The following PARD3B variants were observed in gnomAD, a reference collection of about 807,000 sequenced individuals.
PARD3B encodes the protein partitioning defective 3 homolog B.
PARD3B carries 103 observed loss-of-function variants against 130.2 expected under a neutral mutation model. The observed-to-expected ratio is 0.79, with a 90% CI of 0.67 to 0.93. PARD3B has a LOEUF of 0.93. Among genes scored for constraint, PARD3B ranks in the 40% least tolerant of loss-of-function variants. The pLI is 0.00. For synonymous variants in PARD3B, 583 were observed against 553.2 expected (o/e 1.05, Z -0.76); for missense variants, 1,609 against 1,499.2 (o/e 1.07, Z -1.21).
In PARD3B at chr2:205,585,879, GGT is replaced by G. The variant is rs1411497501; in HGVS notation, c.3261-29575_3261-29574del. On this transcript the variant is annotated intron_variant, in intron 22 of 22. Transcript: ENST00000406610. This position sits in a 1 kb window ranked among gnomAD's most constrained non-coding sequence, Gnocchi z 5.4. The stretch of plus-strand genomic sequence containing the variant: ...TCCACCCTCCGGCCACAGCAGGTCT[GGT>G]GGTCACGGGAACCCACATCTTACAT... Among the ~76,000 whole-genome samples the G allele has an allele frequency of 1.3e-5, 2 of 152,162 alleles. No individual in the cohort carries two copies. The highest frequency in any genetic ancestry group is 2.4e-5 in the African/African-American group (1 of 41,426).
chr2:204,582,233 AC>A (rs2125082483), intron 1 of PARD3B, among the ~76,000 whole-genome samples: 1 of 152,106 alleles, frequency 6.6e-6, no homozygotes, highest in South Asian at 2.1e-4. Flanking sequence ...ATCTTTAGTG[AC>A]TCCAAAGTTT....
chr2:205,152,260 T>TTG (rs2033810817), intron 10 of PARD3B, among the ~76,000 whole-genome samples: 1 of 152,104 alleles, frequency 6.6e-6, no homozygotes, highest in African/African-American at 2.4e-5. Flanking sequence ...TCTCAAGGAG[T>TTG]ATCTTTGTGG....
intron 19 of PARD3B, among the ~76,000 whole-genome samples, chr2:205,412,291 T>C (rs1419024075): frequency 6.6e-6 from 1 of 152,152 alleles, no homozygotes; most frequent in African/African-American, 2.4e-5. Context: ...TTAGAGAGGC[T>C]GAAGTGGTTT....
intron 18 of PARD3B, among the ~76,000 whole-genome samples, chr2:205,339,360 A>T (rs2043432915): frequency 6.6e-6 from 1 of 152,188 alleles, no homozygotes; most frequent in South Asian, 2.1e-4. Context: ...TAGTAGCTCA[A>T]ATAGATTTAC....
In PARD3B at chr2:204,799,836, G is replaced by A. The variant is rs2042502486; in HGVS notation, c.222+113554G>A. 6.6e-6 allele frequency among the ~76,000 whole-genome samples: 1 copy of A among 151,984 alleles called. No individual in the cohort carries two copies. Among genetic ancestry groups the A allele is most frequent in the South Asian group, 2.1e-4 (1 of 4,816 alleles). ...CTGAGGGTTCCCCAAATGCAGATATGGCTGCAGTGACTAAAGATTTATATC... is the reference window on the plus strand; with the variant it reads ...CTGAGGGTTCCCCAAATGCAGATATAGCTGCAGTGACTAAAGATTTATATC... On this transcript the variant is annotated intron_variant, in intron 2 of 22. Coordinates refer to ENST00000406610, the MANE Select transcript of PARD3B (RefSeq NM_001302769.2). The surrounding 1 kb of genome is among the most constrained non-coding windows in gnomAD (Gnocchi z 4.1).
chr2:205,509,470 G>A (rs1305626857), intron 21 of PARD3B, among the ~76,000 whole-genome samples: 1 of 151,894 alleles, frequency 6.6e-6, no homozygotes, highest in Non-Finnish European at 1.5e-5. Flanking sequence ...CCGCATCATG[G>A]CACCCCACTT....
intron 2 of PARD3B, among the ~76,000 whole-genome samples, chr2:204,786,548 T>C (rs2042016489): frequency 6.6e-6 from 1 of 151,166 alleles, no homozygotes; most frequent in South Asian, 2.1e-4. Context: ...AGCTTAACAA[T>C]CTGAAAAATT....
chr2:204,764,954 T>C lies in PARD3B; in HGVS notation c.222+78672T>C, dbSNP rs185765567. Among the ~76,000 whole-genome samples the C allele has an allele frequency of 3.1e-3, 470 of 152,232 alleles. 3 individuals are homozygous for C. The highest frequency in any genetic ancestry group is 0.01 in the African/African-American group (419 of 41,544). ...ACTGATGCATTTTTTTTTGTAATTC[T>C]GATTAATATTCCAGTGAGACTTTAG... On this transcript the variant is annotated intron_variant, in intron 2 of 22. Coordinates refer to ENST00000406610, the MANE Select transcript of PARD3B (RefSeq NM_001302769.2).
chr2:205,182,568 A>C (rs1433342643), intron 13 of PARD3B, among the ~76,000 whole-genome samples: 1 of 152,218 alleles, frequency 6.6e-6, no homozygotes, highest in Admixed American at 6.5e-5. Context: ...TAGTAAAAGA[A>C]ATAGACATAG....
chr2:205,248,647 G>T (rs575661599), intron 16 of PARD3B, among the ~76,000 whole-genome samples: 1 of 113,394 alleles, frequency 8.8e-6, no homozygotes, highest in Non-Finnish European at 1.6e-5. Context: ...GGCTCTGTCC[G>T]CCAGGCTGGA....
rs1412985216 is a variant in PARD3B at position 205,160,272 on chromosome 2, GT to G, written c.1620+1368del. 6.6e-6 allele frequency among the ~76,000 whole-genome samples: 1 copy of G among 152,298 alleles called. No individual in the cohort carries two copies. Among genetic ancestry groups the G allele is most frequent in the East Asian group, 1.9e-4 (1 of 5,190 alleles). ...CATAGCTCTGTGTGGGGGAGCTGGG[GT>G]TTGGGTAGGATTCTGATTCAGGCTG... On this transcript the variant is annotated intron_variant, in intron 11 of 22. Transcript: ENST00000406610. This position sits in a 1 kb window ranked among gnomAD's most constrained non-coding sequence, Gnocchi z 4.0.
At chr2:204,935,305 G>A (rs528056324) in intron 2 of PARD3B, among the ~76,000 whole-genome samples, 14 of 150,644 alleles carry the variant, frequency 9.3e-5, no homozygotes, top group African/African-American at 1.5e-4. Context: ...CAAGGCGGGC[G>A]GATCACAAGG....
At chr2:204,999,942 G>A (rs531381109) in intron 3 of PARD3B, among the ~76,000 whole-genome samples, 3 of 152,098 alleles carry the variant, frequency 2.0e-5, no homozygotes, top group African/African-American at 4.8e-5. Flanking sequence ...CGATACAAGG[G>A]TATTTCCAGT....
intron 1 of PARD3B, among the ~76,000 whole-genome samples, chr2:204,562,472 A>AG (rs1312416623): frequency 6.6e-6 from 1 of 152,182 alleles, no homozygotes; most frequent in Non-Finnish European, 1.5e-5. Context: ...AATAGAGATA[A>AG]TTTTTGGATC....
intron 2 of PARD3B, among the ~76,000 whole-genome samples, chr2:204,746,478 A>G (rs1190036591): frequency 1.3e-5 from 2 of 151,892 alleles, no homozygotes; most frequent in Non-Finnish European, 2.9e-5. Flanking sequence ...ATGATTTATA[A>G]TCCTTTGGGT....
At chr2:204,649,766 A>G (rs984413133) in intron 1 of PARD3B, among the ~76,000 whole-genome samples, 6 of 152,218 alleles carry the variant, frequency 3.9e-5, no homozygotes, top group African/African-American at 1.4e-4. Flanking sequence ...AAATTAACTC[A>G]AGATGGATTA....
At chr2:204,808,232 A>G (rs1030939691) in intron 2 of PARD3B, among the ~76,000 whole-genome samples, 2 of 151,984 alleles carry the variant, frequency 1.3e-5, no homozygotes, top group African/African-American at 2.4e-5. Context: ...TTTAAGTTTC[A>G]TCTTCATTTT....
rs573782658 is a variant in PARD3B at position 204,747,687 on chromosome 2, G to A, written c.222+61405G>A. Among the ~76,000 whole-genome samples, 6 of 152,014 alleles carry A rather than the reference G, an allele frequency of 3.9e-5. No homozygotes were observed. In the East Asian group the frequency reaches 9.6e-4, roughly 24 times the overall value. ...ACCTGACTTCAAACTATACTACAAG[G>A]CTACAGTAACCAAAACAGCATGGTA... is the stretch of plus-strand genomic sequence containing the variant. On this transcript the variant is annotated intron_variant, in intron 2 of 22. Transcript: ENST00000406610.
At chr2:204,718,775 C>G (rs1322036968) in intron 2 of PARD3B, among the ~76,000 whole-genome samples, 1 of 152,204 alleles carries the variant, frequency 6.6e-6, no homozygotes, top group African/African-American at 2.4e-5. Context: ...CCAAGCCAAA[C>G]AAGCCCTTGG....
Sources: gnomAD v4.1 joint callset for allele counts (sites outside exome capture counted in the v4.1 genomes callset) on GRCh38, gnomAD v4.1.1 for gene constraint, Gnocchi (gnomAD v3.1) non-coding constraint, MANE v1.5 for transcripts, NCBI Gene and HGNC (gene_info 2026-07-23, HGNC 2026-07-21) for gene names.